The following DLGAP1 variants were observed in gnomAD, a reference collection of about 807,000 sequenced individuals.
DLGAP1 encodes disks large-associated protein 1.
Under a neutral mutation model 90.8 loss-of-function variants are expected in DLGAP1, and 11 were observed. That is an observed-to-expected ratio of 0.12 (90% confidence interval 0.08 to 0.20). The LOEUF is 0.20. Ranked by LOEUF, DLGAP1 falls within the 10% of genes least tolerant of loss-of-function variation. The probability of loss-of-function intolerance (pLI) is 1.00; values close to 1 mark genes in which losing one functional copy is unlikely to be tolerated. For synonymous variants in DLGAP1, 558 were observed against 540.7 expected (o/e 1.03, Z -0.44); for missense variants, 1,050 against 1,333.8 (o/e 0.79, Z 3.31).
chr18:3,792,908 C>T (rs1164797126), intron 5 of DLGAP1, among the ~76,000 whole-genome samples: 2 of 152,172 alleles, frequency 1.3e-5, no homozygotes, highest in Non-Finnish European at 2.9e-5. Flanking sequence ...GCCTGGCCAC[C>T]GTGCTTCTTC....
chr18:3,785,940 T>C (rs913744268), intron 5 of DLGAP1, among the ~76,000 whole-genome samples: 1 of 152,144 alleles, frequency 6.6e-6, no homozygotes, highest in African/African-American at 2.4e-5. Context: ...TCCTTCAGCC[T>C]TTTTTCCCTC....
chr18:4,040,884 C>G (rs1230505936), intron 2 of DLGAP1, among the ~76,000 whole-genome samples: 1 of 152,180 alleles, frequency 6.6e-6, no homozygotes. Context: ...ATCATTGTGG[C>G]TGAAAGTACT....
chr18:3,637,677 G>A (rs941310650), intron 7 of DLGAP1, among the ~76,000 whole-genome samples: 30 of 151,688 alleles, frequency 2.0e-4, no homozygotes, highest in African/African-American at 6.6e-4. Context: ...AGCCTGGGAG[G>A]TCGAGGCTTC....
intron 7 of DLGAP1, among the ~76,000 whole-genome samples, chr18:3,602,617 CAAAG>C (rs1324390613): frequency 8.4e-5 from 9 of 107,544 alleles, no homozygotes; most frequent in South Asian, 3.1e-4. Flanking sequence ...AAAAAAAAAA[CAAAG>C]AAACTTGTGT....
chr18:3,892,692 T>G (rs944154772), intron 3 of DLGAP1, among the ~76,000 whole-genome samples: 3 of 151,940 alleles, frequency 2.0e-5, no homozygotes, highest in Non-Finnish European at 4.4e-5. Flanking sequence ...ATGCACCAAG[T>G]GAAAGCCTTT....
intron 2 of DLGAP1, among the ~76,000 whole-genome samples, chr18:4,130,907 T>C (rs1342281266): frequency 2.0e-5 from 3 of 152,068 alleles, no homozygotes; most frequent in Admixed American, 1.3e-4. Flanking sequence ...TCCACTCTGA[T>C]TGGCGAGGAT....
chr18:4,221,470 A>G (rs1357535127), intron 1 of DLGAP1, among the ~76,000 whole-genome samples: 3 of 152,118 alleles, frequency 2.0e-5, no homozygotes, highest in Non-Finnish European at 4.4e-5. Flanking sequence ...TCAATAAAAT[A>G]TATATGAAAG....
intron 5 of DLGAP1, among the ~76,000 whole-genome samples, chr18:3,779,763 C>A (rs1321321179): frequency 8.7e-6 from 1 of 114,686 alleles, no homozygotes; most frequent in Non-Finnish European, 1.8e-5. Flanking sequence ...GTCAGTGCAC[C>A]CTTTTTTTTT....
At position 3,529,330 on chromosome 18, in the gene DLGAP1, A is replaced by C. The variant is rs143059695; in HGVS notation, c.2479+4864T>G. On this transcript the variant is annotated intron_variant, in intron 10 of 12. Coordinates refer to ENST00000315677, the MANE Select transcript of DLGAP1 (RefSeq NM_004746.4). ...AAACAGAGAGCAGCCCTTGCCAGAC[A>C]CCAAACCTGCCAGTATCTTAATCTT... is the stretch of plus-strand genomic sequence containing the variant. Among the ~76,000 whole-genome samples the C allele has an allele frequency of 7.2e-5, 11 of 152,276 alleles. No homozygotes were observed. The East Asian group carries it at 1.9e-3, about 27-fold the overall frequency.
intron 7 of DLGAP1, chr18:3,603,201 G>A (rs1241106516): frequency 1.3e-5 from 2 of 152,154 alleles, no homozygotes; most frequent in African/African-American, 2.4e-5. Context: ...ATAAAGGCAA[G>A]TCTTGTCACC....
chr18:3,874,651 A>G (rs1490668466), intron 4 of DLGAP1: 1 of 1,535,598 alleles, frequency 6.5e-7, no homozygotes, highest in Non-Finnish European at 8.7e-7. Context: ...CCAAATGTAT[A>G]AGAGCCAACC....
chr18:4,398,382 A>T (rs2144502944), intron 1 of DLGAP1, among the ~76,000 whole-genome samples: 1 of 152,326 alleles, frequency 6.6e-6, no homozygotes, highest in East Asian at 1.9e-4. Context: ...CAGTGACCTT[A>T]GAAGTTGAAG....
In DLGAP1 at chr18:4,156,056, TAA is replaced by T. The variant is rs1382308363; in HGVS notation, c.-266-4771_-266-4770del. On this transcript the variant is annotated intron_variant, in intron 1 of 12. Coordinates refer to ENST00000315677, the MANE Select transcript of DLGAP1 (RefSeq NM_004746.4). Reference sequence around the variant, plus strand: ...GGATTGGGTGATTAGGGTGAGAAAATAAAGAGACAACAATGACCCCAAGATTT... The same window carrying T: ...GGATTGGGTGATTAGGGTGAGAAAATAGAGACAACAATGACCCCAAGATTT... 3.9e-5 allele frequency among the ~76,000 whole-genome samples: 6 copies of T among 152,028 alleles called. No individual in the cohort carries two copies. The South Asian group carries it at 1.2e-3, about 31-fold the overall frequency.
intron 1 of DLGAP1, among the ~76,000 whole-genome samples, chr18:4,449,971 G>C (rs1448243653): frequency 2.6e-5 from 4 of 152,154 alleles, no homozygotes; most frequent in Admixed American, 2.6e-4. Context: ...AGATTCCCCT[G>C]CTGACCCTCC....
chr18:4,212,345 T>G (rs1406631007), intron 1 of DLGAP1, among the ~76,000 whole-genome samples: 2 of 152,038 alleles, frequency 1.3e-5, no homozygotes, highest in East Asian at 3.9e-4. Flanking sequence ...GCTAGTAATC[T>G]GGAAATGCAG....
intron 4 of DLGAP1, among the ~76,000 whole-genome samples, chr18:3,847,119 T>C (rs12606228): frequency 0.58 from 88,214 of 152,086 alleles, 27,360 homozygotes; most frequent in East Asian, 0.74. Context: ...GGTCAGTAAA[T>C]TTCTTTTCTT....
At chr18:3,602,615 A>C (rs959087825) in intron 7 of DLGAP1, among the ~76,000 whole-genome samples, 2 of 151,172 alleles carry the variant, frequency 1.3e-5, no homozygotes, top group Non-Finnish European at 3.0e-5. Flanking sequence ...AAAAAAAAAA[A>C]ACAAAGAAAC....
At chr18:4,027,503 CAAAAAAAAAAAAAAAAAA>C (rs59592467) in intron 2 of DLGAP1, among the ~76,000 whole-genome samples, 1 of 55,580 alleles carries the variant, frequency 1.8e-5, no homozygotes, top group Non-Finnish European at 3.1e-5. Context: ...GACTCCGTCT[CAAAAAAAAAAAAAAAAAA>C]AAAAAAAAAA....
chr18:3,628,095 C>T lies in DLGAP1; in HGVS notation c.1592-45847G>A, dbSNP rs573778478. On this transcript the variant is annotated intron_variant, in intron 7 of 12. Coordinates refer to ENST00000315677, the MANE Select transcript of DLGAP1 (RefSeq NM_004746.4). The stretch of plus-strand genomic sequence containing the variant: ...TTCACTATGTTGGCCAGGCTGGTCT[C>T]GATCTCCTGACCTCAAGTGGTCCAC... Among the ~76,000 whole-genome samples, 19 of 151,742 alleles carry T rather than the reference C, an allele frequency of 1.3e-4. No individual in the cohort carries two copies. In the South Asian group the frequency reaches 1.9e-3, roughly 15 times the overall value.
Sources: gnomAD v4.1 joint callset for allele counts (sites outside exome capture counted in the v4.1 genomes callset) on GRCh38, gnomAD v4.1.1 for gene constraint, MANE v1.5 for transcripts, NCBI Gene and HGNC (gene_info 2026-07-23, HGNC 2026-07-21) for gene names.